Variants in BLTP1 observed in about 807,000 individuals in gnomAD.
BLTP1 encodes the protein bridge-like lipid transfer protein family member 1.
chr4:122,353,167 C>T, the BLTP1 span: 3 of 1,610,442 alleles, frequency 1.9e-6, no homozygotes, highest in Non-Finnish European at 2.5e-6. The surrounding 1 kb of genome is among the most constrained non-coding windows in gnomAD (Gnocchi z 4.3). Context: ...TAAACTGACA[C>T]ATTTCCAGCT....
At chr4:122,241,315 A>G in the BLTP1 span, among the ~76,000 whole-genome samples, 3 of 152,340 alleles carry the variant, frequency 2.0e-5, no homozygotes, top group East Asian at 3.9e-4. Flanking sequence ...CTTGCTCGTA[A>G]TGAGGCTGGA....
chr4:122,187,134 G>A, the BLTP1 span: 2 of 984,164 alleles, frequency 2.0e-6, no homozygotes, highest in Non-Finnish European at 2.4e-6. Flanking sequence ...AATGGTAGAT[G>A]TAATGACAGC....
At chr4:122,286,725 T>G in the BLTP1 span, 19 of 1,614,006 alleles carry the variant, frequency 1.2e-5, no homozygotes, top group Non-Finnish European at 1.5e-5. Context: ...GGAGTATAGA[T>G]GAACTGCCTT....
chr4:122,195,406 A>G, the BLTP1 span, among the ~76,000 whole-genome samples: 1 of 151,860 alleles, frequency 6.6e-6, no homozygotes, highest in African/African-American at 2.4e-5. Flanking sequence ...TTATAATAAT[A>G]CAAACCTTCC....
the BLTP1 span, among the ~76,000 whole-genome samples, chr4:122,252,300 C>T: frequency 6.6e-6 from 1 of 152,132 alleles, no homozygotes. Flanking sequence ...TTGTCTTGCA[C>T]CTTAGATGCC....
chr4:122,243,965 A>T, the BLTP1 span: 2 of 1,611,886 alleles, frequency 1.2e-6, no homozygotes, highest in Non-Finnish European at 1.7e-6. Context: ...CAACAGCCAT[A>T]GTTGAAGTAA....
the BLTP1 span, among the ~76,000 whole-genome samples, chr4:122,217,913 G>T: frequency 2.0e-5 from 3 of 152,058 alleles, no homozygotes; most frequent in Non-Finnish European, 4.4e-5. Context: ...TCTGTTCAGA[G>T]TTTCTGTTTC....
chr4:122,356,550 A>C, the BLTP1 span: 1 of 1,500,070 alleles, frequency 6.7e-7, no homozygotes, highest in Non-Finnish European at 9.1e-7. Context: ...ATGCATTTAC[A>C]TAGACCTATA....
chr4:122,315,413 A>G, the BLTP1 span: 28 of 1,606,020 alleles, frequency 1.7e-5, no homozygotes, highest in African/African-American at 3.5e-4. Flanking sequence ...AGTTATTTCA[A>G]TTTCTATACC....
At chr4:122,161,435 CT>C in the BLTP1 span, among the ~76,000 whole-genome samples, 294 of 140,262 alleles carry the variant, frequency 2.1e-3, no homozygotes, top group Non-Finnish European at 2.8e-3. Flanking sequence ...CTTTTGTTTT[CT>C]TTTTTTTTTT....
chr4:122,286,523 T>G, the BLTP1 span: 174 of 1,613,506 alleles, frequency 1.1e-4, no homozygotes, highest in Non-Finnish European at 1.4e-4. Flanking sequence ...AAACAATAAC[T>G]TTTCTCATTT....
the BLTP1 span, among the ~76,000 whole-genome samples, chr4:122,317,332 CAAA>C: frequency 7.6e-6 from 1 of 131,828 alleles, no homozygotes; most frequent in African/African-American, 2.8e-5. Flanking sequence ...ACTCCATCTC[CAAA>C]AAAAAAAAAG....
chr4:122,244,618 C>T, the BLTP1 span: 139 of 979,000 alleles, frequency 1.4e-4, 1 homozygote, highest in African/African-American at 2.0e-3. Context: ...GGTGTAGAAG[C>T]GGTTGGGAAG....
the BLTP1 span, among the ~76,000 whole-genome samples, chr4:122,299,415 A>C: frequency 1.3e-5 from 2 of 152,198 alleles, no homozygotes; most frequent in African/African-American, 4.8e-5. Flanking sequence ...CTCAAGGAAC[A>C]GGGATGTGTA....
chr4:122,323,608 G>A, the BLTP1 span, among the ~76,000 whole-genome samples: 17 of 151,866 alleles, frequency 1.1e-4, no homozygotes, highest in Non-Finnish European at 2.4e-4. Flanking sequence ...AACTCCCAGA[G>A]AATATAGTTT....
the BLTP1 span, among the ~76,000 whole-genome samples, chr4:122,244,782 A>T: frequency 6.6e-6 from 1 of 152,194 alleles, no homozygotes; most frequent in African/African-American, 2.4e-5. Flanking sequence ...TTTGTTAAAG[A>T]AAAGATCATT....
At chr4:122,262,145 C>T in the BLTP1 span, among the ~76,000 whole-genome samples, 4 of 48,468 alleles carry the variant, frequency 8.3e-5, no homozygotes, top group African/African-American at 1.5e-4. Flanking sequence ...TGTTACAGAT[C>T]CTTTGTGTGT....
chr4:122,226,596 A>G, the BLTP1 span: 1 of 1,521,660 alleles, frequency 6.6e-7, no homozygotes, highest in Non-Finnish European at 8.7e-7. Flanking sequence ...AAGTTTTAAG[A>G]CAGTGTTTGG....
At chr4:122,209,978 A>C in the BLTP1 span, 2 of 1,573,284 alleles carry the variant, frequency 1.3e-6, no homozygotes, top group Non-Finnish European at 1.7e-6. Flanking sequence ...ATGATTGATA[A>C]TCATGAAAAA....
Sources: gnomAD v4.1 joint callset for allele counts (sites outside exome capture counted in the v4.1 genomes callset) on GRCh38, gnomAD v4.1.1 for gene constraint, Gnocchi (gnomAD v3.1) non-coding constraint, MANE v1.5 for transcripts, NCBI Gene and HGNC (gene_info 2026-07-23, HGNC 2026-07-21) for gene names.